SMC1B: variants seen among roughly 807,000 people sequenced by gnomAD.
SMC1B encodes the protein structural maintenance of chromosomes 1B.
Under a neutral mutation model 157.9 loss-of-function variants are expected in SMC1B, and 60 were observed. The ratio of observed to expected loss-of-function variants is 0.38; its 90% CI spans 0.31 to 0.47. SMC1B has a LOEUF of 0.47. Ranked by LOEUF, SMC1B falls within the 20% of genes least tolerant of loss-of-function variation. The probability of loss-of-function intolerance (pLI) is 0.99; values close to 1 mark genes in which losing one functional copy is unlikely to be tolerated. For synonymous variants in SMC1B, 445 were observed against 483.0 expected (o/e 0.92, Z 1.03); for missense variants, 1,165 against 1,426.2 (o/e 0.82, Z 2.95).
chr22:45,377,599 T>A (rs907807448), intron 12 of SMC1B, among the ~76,000 whole-genome samples: 2 of 150,636 alleles, frequency 1.3e-5, no homozygotes, highest in African/African-American at 4.9e-5. Flanking sequence ...GATCACCCAC[T>A]GTACTCTAGC....
chr22:45,382,425 T>C (rs762631548), intron 12 of SMC1B, among the ~76,000 whole-genome samples: 8 of 152,164 alleles, frequency 5.3e-5, no homozygotes, highest in Non-Finnish European at 8.8e-5. Context: ...AAAACTATAA[T>C]GACAGAAAGT....
At chr22:45,400,129 C>T (rs926938409) in intron 5 of SMC1B, among the ~76,000 whole-genome samples, 1 of 152,152 alleles carries the variant, frequency 6.6e-6, no homozygotes, top group Non-Finnish European at 1.5e-5. Context: ...CTAGTTCCAA[C>T]AGCTGAGAAA....
rs1428145383 is a variant in SMC1B, at chr22:45,413,393, CCACGTGTGGCCTGGA to C, written c.109+51_109+65del. The C allele has an allele frequency of 3.8e-6, 5 of 1,309,038 alleles. No homozygotes were observed. The East Asian group carries it at 1.3e-4, about 33-fold the overall frequency. 81.1% of individuals were successfully genotyped at this position (1,309,038 alleles called of 1,614,324 possible). ...GCGGCAGACGCCCACACCCCACAGG[CCACGTGTGGCCTGGA>C]CGCCTGGGACGGCGGAGGCGCTCCG... On this transcript the variant is annotated intron_variant, in intron 1 of 24. Transcript: ENST00000357450.
intron 10 of SMC1B, among the ~76,000 whole-genome samples, chr22:45,388,661 C>T (rs2087017816): frequency 6.6e-6 from 1 of 152,012 alleles, no homozygotes; most frequent in Admixed American, 6.6e-5. Context: ...CATTTCCACA[C>T]ATGGAAAACT....
rs1369180119 is a variant in SMC1B at position 45,376,248 on chromosome 22, A to T, written c.2059-3956T>A. Among the ~76,000 whole-genome samples the T allele has an allele frequency of 2.0e-5, 3 of 152,318 alleles. No individual in the cohort carries two copies. The East Asian group carries it at 5.8e-4, about 29-fold the overall frequency. On this transcript the variant is annotated intron_variant, in intron 12 of 24. Transcript: ENST00000357450. ...TCTCTCCCCTTCTACAGCCACTGGC[A>T]ACCACTGGCCTCCTTTCTGTCTCTT...
At chr22:45,403,994 T>G (rs1412450019) in intron 4 of SMC1B, among the ~76,000 whole-genome samples, 2 of 152,214 alleles carry the variant, frequency 1.3e-5, no homozygotes, top group African/African-American at 4.8e-5. Context: ...CAGGCTAAAG[T>G]GCAGTGGTGC....
At position 45,344,544 on chromosome 22, in the gene SMC1B, G is replaced by A; in HGVS notation, c.*12C>T. 2.5e-6 allele frequency: 4 copies of A among 1,589,654 alleles called. No homozygotes were observed. The highest frequency in any genetic ancestry group is 3.5e-6 in the Non-Finnish European group (4 of 1,157,900). On this transcript the variant is annotated 3_prime_UTR_variant, in exon 25 of 25. Transcript: ENST00000357450. ...ACTGAACAGTGATCAGGTGACTGCT[G>A]CAGGACTGCCCCTAGCGGGACTCTC...
chr22:45,365,487 T>C (rs1344449375), intron 15 of SMC1B, among the ~76,000 whole-genome samples: 1 of 152,144 alleles, frequency 6.6e-6, no homozygotes, highest in Non-Finnish European at 1.5e-5. Flanking sequence ...GGCAGATCGC[T>C]TGATCCCAGG....
intron 19 of SMC1B, among the ~76,000 whole-genome samples, chr22:45,357,582 C>T (rs952358185): frequency 2.6e-5 from 4 of 152,110 alleles, no homozygotes; most frequent in African/African-American, 9.7e-5. Context: ...CTTCTCTTCC[C>T]TTCCCAAGAA....
chr22:45,354,712 C>A (rs1022506571), intron 20 of SMC1B, among the ~76,000 whole-genome samples: 10 of 151,964 alleles, frequency 6.6e-5, no homozygotes, highest in African/African-American at 2.4e-4. Flanking sequence ...TTTATTATGT[C>A]AATTTTTTTG....
intron 5 of SMC1B, among the ~76,000 whole-genome samples, chr22:45,400,873 C>T (rs1283385939): frequency 6.6e-6 from 1 of 152,142 alleles, no homozygotes; most frequent in Admixed American, 6.6e-5. Flanking sequence ...GGCTTCCTCC[C>T]CACAGTCTGT....
intron 12 of SMC1B, among the ~76,000 whole-genome samples, chr22:45,380,721 C>A (rs1466574353): frequency 6.6e-6 from 1 of 151,954 alleles, no homozygotes; most frequent in Non-Finnish European, 1.5e-5. Context: ...AGTTCAAGAC[C>A]AGCCTGGTCA....
intron 4 of SMC1B, among the ~76,000 whole-genome samples, chr22:45,405,945 T>C (rs1026931279): frequency 2.6e-5 from 4 of 152,210 alleles, no homozygotes. Context: ...ATAAAAGTGG[T>C]AAAACAATGT....
At chr22:45,349,644 T>C in intron 23 of SMC1B, 84 bp downstream of exon 23, 2 of 1,320,686 alleles carry the variant, frequency 1.5e-6, no homozygotes, top group East Asian at 2.3e-5. Flanking sequence ...CAAGGACTGA[T>C]TTTTAATGAG....
At chr22:45,381,220 C>G (rs2086933646) in intron 12 of SMC1B, among the ~76,000 whole-genome samples, 1 of 152,090 alleles carries the variant, frequency 6.6e-6, no homozygotes, top group Non-Finnish European at 1.5e-5. Context: ...TGCCTGGCTC[C>G]TAGAACACCT....
At chr22:45,366,105 C>T (rs1404679062) in intron 15 of SMC1B, among the ~76,000 whole-genome samples, 2 of 152,312 alleles carry the variant, frequency 1.3e-5, no homozygotes, top group African/African-American at 4.8e-5. Flanking sequence ...CTCACTGCAA[C>T]TTCTGCCTCC....
At chr22:45,379,426 A>C (rs1348500330) in intron 12 of SMC1B, among the ~76,000 whole-genome samples, 1 of 152,032 alleles carries the variant, frequency 6.6e-6, no homozygotes, top group Non-Finnish European at 1.5e-5. Flanking sequence ...CATTACTTCC[A>C]TCTTGCTTTT....
Position 45,402,398 on chromosome 22 carries a change from A to G in SMC1B, c.789T>C (p.Val263=). The change falls in exon 5 of 25, where the codon GTT becomes GTC. Residue 263 remains valine, a synonymous_variant. Coordinates refer to ENST00000357450, the MANE Select transcript of SMC1B (RefSeq NM_148674.5). ...RESLSHHENI[V]KARKKEHGML... ...TTCCATGTTCCTTTTTCCTGGCTTT[A>G]ACTATGTTTTCATGATGAGACAAAG... is the stretch of plus-strand genomic sequence containing the variant. 6.2e-7 allele frequency: 1 copy of G among 1,613,852 alleles called. No individual in the cohort carries two copies. Among genetic ancestry groups the G allele is most frequent in the Non-Finnish European group, 8.5e-7 (1 of 1,179,924 alleles).
At chr22:45,407,841 A>C (rs536400648) in intron 2 of SMC1B, among the ~76,000 whole-genome samples, 1 of 152,270 alleles carries the variant, frequency 6.6e-6, no homozygotes, top group African/African-American at 2.4e-5. Flanking sequence ...CAATTGATCA[A>C]AGGCTCAAAA....
Sources: gnomAD v4.1 joint callset for allele counts (sites outside exome capture counted in the v4.1 genomes callset) on GRCh38, gnomAD v4.1.1 for gene constraint, MANE v1.5 for transcripts, NCBI Gene and HGNC (gene_info 2026-07-23, HGNC 2026-07-21) for gene names.